Variants in USP8 observed in about 807,000 individuals in gnomAD.
USP8 encodes ubiquitin carboxyl-terminal hydrolase 8.
A neutral mutation model predicts 130.0 loss-of-function variants in USP8; 27 were observed. That is an observed-to-expected ratio of 0.21 (90% CI 0.15 to 0.29). The LOEUF is 0.29. Among genes scored for constraint, USP8 ranks in the 10% least tolerant of loss-of-function variants. The pLI is 1.00. For synonymous variants in USP8, 392 were observed against 444.1 expected (o/e 0.88, Z 1.48); for missense variants, 1,029 against 1,312.2 (o/e 0.78, Z 3.33).
chr15:50,476,858 A>G lies in USP8; in HGVS notation c.859A>G (p.Lys287Glu), dbSNP rs2051583821. The change falls in exon 9 of 20, where the codon AAA becomes GAA. Residue 287 changes from lysine (K) to glutamate (E), a missense_variant. Coordinates refer to ENST00000307179, the MANE Select transcript of USP8 (RefSeq NM_005154.5). ...ATTTCCTTATTTATAGTGGGAAAGT[A>G]AAACTGTCCTGCGCAATGAGCCTTT... is the stretch of plus-strand genomic sequence containing the variant. ...LKDALFKWES[K>E]TVLRNEPLVL... The G allele has an allele frequency of 6.4e-7, 1 of 1,562,552 alleles. No homozygotes were observed. Among genetic ancestry groups the G allele is most frequent in the Non-Finnish European group, 8.6e-7 (1 of 1,165,304 alleles).
At chr15:50,465,539 C>G (rs1348262886) in intron 7 of USP8, among the ~76,000 whole-genome samples, 1 of 152,124 alleles carries the variant, frequency 6.6e-6, no homozygotes, top group Non-Finnish European at 1.5e-5. Context: ...TTTGATTTGG[C>G]TGTTTTCTCC....
At chr15:50,495,718 A>G in intron 16 of USP8, 130 bp from the exon 17 acceptor site, 2 of 682,726 alleles carry the variant, frequency 2.9e-6, no homozygotes, top group South Asian at 2.2e-5. Flanking sequence ...ACACTCAGTG[A>G]GATCAGAACT....
rs774177317 is a variant in USP8 at position 50,465,063 on chromosome 15, G to C, written c.558G>C (p.Lys186Asn). 6.2e-7 allele frequency: 1 copy of C among 1,613,832 alleles called. No homozygotes were observed. The highest frequency in any genetic ancestry group is 1.1e-5 in the South Asian group (1 of 91,060). ...ETKEKGAITAKELYTMMTDKN... is the reference protein window; with the variant it reads ...ETKEKGAITANELYTMMTDKN... ...AATTCCAAGGAGCAATCACAGCAAA[G>C]GAACTATACACAATGATGACGGATA... Residue 186 changes from lysine (K) to asparagine (N), a missense_variant, in exon 7 of 20, where the codon AAG becomes AAC. Around this residue, in one of 4 missense-constraint regions of USP8, gnomAD observed 281 missense variants for 336.7 expected, o/e 0.83. Coordinates refer to ENST00000307179, the MANE Select transcript of USP8 (RefSeq NM_005154.5).
At chr15:50,493,007 A>C (rs972375622) in intron 15 of USP8, 94 bp downstream of exon 15, 2 of 1,209,442 alleles carry the variant, frequency 1.7e-6, no homozygotes, top group Non-Finnish European at 2.4e-6. Context: ...CTGCTATAAC[A>C]AAATACCTAA....
intron 4 of USP8, among the ~76,000 whole-genome samples, chr15:50,454,591 T>G (rs2050731160): frequency 6.6e-6 from 1 of 151,504 alleles, no homozygotes; most frequent in African/African-American, 2.4e-5. Flanking sequence ...AAGTAGCTGG[T>G]ACTACAGGTG....
At chr15:50,480,319 G>A (rs1262240401) in intron 10 of USP8, among the ~76,000 whole-genome samples, 1 of 152,160 alleles carries the variant, frequency 6.6e-6, no homozygotes, top group African/African-American at 2.4e-5. Flanking sequence ...TCATGTAAAA[G>A]TTTTTAGGGA....
chr15:50,441,341 A>C lies in USP8; in HGVS notation c.105-8A>C. 1 of 1,571,146 alleles carries C rather than the reference A, an allele frequency of 6.4e-7. No homozygotes were observed. The highest frequency in any genetic ancestry group is 1.2e-5 in the South Asian group (1 of 84,004). On this transcript the variant is annotated splice_polypyrimidine_tract_variant and splice_region_variant and intron_variant, in intron 2 of 19. Transcript: ENST00000307179. ...TGCTTTAATTATTATTTTTTCTCTAATTTTAAGTTATGTGCACAGTGCCCT... is the reference window on the plus strand; with the variant it reads ...TGCTTTAATTATTATTTTTTCTCTACTTTTAAGTTATGTGCACAGTGCCCT...
chr15:50,448,488 A>C (rs1427277858), intron 3 of USP8, among the ~76,000 whole-genome samples: 1 of 152,154 alleles, frequency 6.6e-6, no homozygotes, highest in Non-Finnish European at 1.5e-5. Context: ...TTATATGCCA[A>C]ATCTTTTACC....
rs769218734 is a variant in USP8, at chr15:50,481,966, A to C, written c.1704A>C (p.Val568=). The C allele has an allele frequency of 1.9e-6, 3 of 1,605,818 alleles. No homozygotes were observed. The highest frequency in any genetic ancestry group is 1.3e-5 in the African/African-American group (1 of 74,330). ...AAACTTCTGATGCCAAGAAATCTGTAGAAGATAGGGGGAAAAGGTGTCCAA... is the reference window on the plus strand; with the variant it reads ...AAACTTCTGATGCCAAGAAATCTGTCGAAGATAGGGGGAAAAGGTGTCCAA... ...EHETSDAKKS[V]EDRGKRCPTP... Residue 568 remains valine (V), a synonymous_variant, in exon 11 of 20, where the codon GTA becomes GTC. Coordinates refer to ENST00000307179, the MANE Select transcript of USP8 (RefSeq NM_005154.5).
At position 50,484,303 on chromosome 15, in the gene USP8, G is replaced by A; in HGVS notation, c.1832G>A (p.Ser611Asn). ...KPFKIKGQPE[S>N]GILRTGTFRE... ...TTTAAGATTAAAGGACAACCAGAAA[G>A]TGGAATTCTAAGGACAGGAACTTTT... Residue 611 changes from serine (S) to asparagine (N), a missense_variant, in exon 12 of 20, where the codon AGT becomes AAT. By Grantham distance (46) the Ser-to-Asn change is conservative. Around this residue, in one of 4 missense-constraint regions of USP8, gnomAD observed 486 missense variants for 522.0 expected, o/e 0.93. Transcript: ENST00000307179. 6.2e-7 allele frequency: 1 copy of A among 1,611,856 alleles called. No individual in the cohort carries two copies. Among genetic ancestry groups the A allele is most frequent in the Non-Finnish European group, 8.5e-7 (1 of 1,179,196 alleles).
intron 1 of USP8, among the ~76,000 whole-genome samples, chr15:50,438,489 G>T (rs1370281367): frequency 6.6e-6 from 1 of 152,328 alleles, no homozygotes; most frequent in African/African-American, 2.4e-5. Flanking sequence ...GGAGGCTTAG[G>T]TAGGAGGATT....
chr15:50,425,959 T>G (rs1321363385), intron 1 of USP8, among the ~76,000 whole-genome samples: 2 of 152,022 alleles, frequency 1.3e-5, no homozygotes, highest in Non-Finnish European at 2.9e-5. Flanking sequence ...CGGTCTCTAC[T>G]AAAAATACAA....
At chr15:50,471,516 C>A in intron 7 of USP8, 117 bp from the exon 8 acceptor site, 2 of 1,050,600 alleles carry the variant, frequency 1.9e-6, no homozygotes, top group East Asian at 2.6e-5. Context: ...AGAAAGGAAT[C>A]TACTTAAAAT....
chr15:50,446,064 T>C (rs891081684), intron 3 of USP8, among the ~76,000 whole-genome samples: 6 of 152,192 alleles, frequency 3.9e-5, no homozygotes, highest in Non-Finnish European at 8.8e-5. Flanking sequence ...TATTTTAAAA[T>C]TTTTATGGTA....
intron 12 of USP8, among the ~76,000 whole-genome samples, chr15:50,488,651 G>T (rs187830811): frequency 1.5e-5 from 2 of 129,156 alleles, no homozygotes; most frequent in African/African-American, 5.9e-5. Flanking sequence ...TGCAACCTCC[G>T]CCTCCCAGGT....
At chr15:50,442,325 C>T (rs748022813) in intron 3 of USP8, among the ~76,000 whole-genome samples, 1 of 152,122 alleles carries the variant, frequency 6.6e-6, no homozygotes, top group Non-Finnish European at 1.5e-5. Context: ...TGAACAGGTG[C>T]TTGTCTTCCA....
chr15:50,449,833 G>A (rs182383655), intron 4 of USP8, among the ~76,000 whole-genome samples: 40 of 147,956 alleles, frequency 2.7e-4, no homozygotes, highest in African/African-American at 9.0e-4. Context: ...CTCCTGCCTC[G>A]GCCTCCCAAA....
At chr15:50,470,698 G>A (rs2051346140) in intron 7 of USP8, among the ~76,000 whole-genome samples, 1 of 151,736 alleles carries the variant, frequency 6.6e-6, no homozygotes. Flanking sequence ...CGCCTCCCAG[G>A]TTCAAGCAAT....
chr15:50,507,953 C>T lies in USP8; in HGVS notation c.*8865C>T, dbSNP rs1261375261. On this transcript the variant is annotated 3_prime_UTR_variant, in exon 20 of 20. Coordinates refer to ENST00000307179, the MANE Select transcript of USP8 (RefSeq NM_005154.5). The stretch of plus-strand genomic sequence containing the variant: ...GGCATGGTGTCGGCTGCCTGTAATC[C>T]CAGCTACTGAGGAGGCTGAAGCAGG... 6.6e-6 allele frequency: 1 copy of T among 151,450 alleles called. No individual in the cohort carries two copies. Among genetic ancestry groups the T allele is most frequent in the Non-Finnish European group, 1.5e-5 (1 of 67,940 alleles). 9.4% of individuals were successfully genotyped at this position (151,450 alleles called of 1,614,324 possible).
Sources: gnomAD v4.1 joint callset for allele counts (sites outside exome capture counted in the v4.1 genomes callset) on GRCh38, gnomAD v4.1.1 for gene constraint, gnomAD v4.1.1 regional missense constraint, MANE v1.5 for transcripts, NCBI Gene and HGNC (gene_info 2026-07-23, HGNC 2026-07-21) for gene names.